Variants in ACOT7 observed in about 807,000 individuals in gnomAD.
The protein encoded by ACOT7 is acyl-CoA thioesterase 7.
Under a neutral mutation model 40.2 loss-of-function variants are expected in ACOT7, and 12 were observed. The ratio of observed to expected loss-of-function variants is 0.30; its 90% CI spans 0.19 to 0.48. The LOEUF (loss-of-function observed/expected upper bound fraction) is 0.48, where lower values mean the gene tolerates loss of function less well. ACOT7 is among the 20% of genes least tolerant of loss of function. The pLI is 0.99. For synonymous variants in ACOT7, 228 were observed against 219.5 expected (o/e 1.04, Z -0.34); for missense variants, 395 against 530.8 (o/e 0.74, Z 2.51).
rs118100710 is a variant in ACOT7 at position 6,345,688 on chromosome 1, G to A, written c.261+4061C>T. On this transcript the variant is annotated intron_variant, in intron 2 of 8. Coordinates refer to ENST00000361521, the MANE Select transcript of ACOT7 (RefSeq NM_007274.4). ...CGGTCTCATCACCATGCCCAGCCCC[G>A]GCCGTCTTCTGGCTGACGGCAGCTC... Among the ~76,000 whole-genome samples the A allele has an allele frequency of 4.1e-4, 63 of 152,290 alleles. No individual in the cohort carries two copies. The East Asian group carries it at 9.8e-3, about 24-fold the overall frequency.
Position 6,275,651 on chromosome 1 carries a change from C to A in ACOT7, c.1014+5451G>T, listed in dbSNP as rs919959951. On this transcript the variant is annotated intron_variant, in intron 8 of 8. Coordinates refer to ENST00000361521, the MANE Select transcript of ACOT7 (RefSeq NM_007274.4). The surrounding 1 kb of genome is among the most constrained non-coding windows in gnomAD (Gnocchi z 5.6). ...AGAATCGTTTGAACCCGGGAGGCAG[C>A]GGTTGCAGTGAGCCGAGATCCAGCC... is the stretch of plus-strand genomic sequence containing the variant. Among the ~76,000 whole-genome samples, 7 of 135,982 alleles carry A rather than the reference C, an allele frequency of 5.1e-5. No homozygotes were observed. Among genetic ancestry groups the A allele is most frequent in the Admixed American group, 8.4e-5 (1 of 11,948 alleles). The allele number at this position is 135,982 out of a possible 152,430, so 89.2% of individuals were successfully genotyped here.
In ACOT7 at chr1:6,323,733, AAAAAATATATATATATATAT is replaced by A. The variant is rs1281192107; in HGVS notation, c.625+3546_625+3565del. On this transcript the variant is annotated intron_variant, in intron 5 of 8. Coordinates refer to ENST00000361521, the MANE Select transcript of ACOT7 (RefSeq NM_007274.4). ...ACTTGTCTCAAAAAAAAAAAAAAAAAAAAAATATATATATATATATATATATATATATATATAGACAAATT... is the reference window on the plus strand; with the variant it reads ...ACTTGTCTCAAAAAAAAAAAAAAAAAATATATATATATATATAGACAAATT... 8.5e-4 allele frequency among the ~76,000 whole-genome samples: 65 copies of A among 76,900 alleles called. 2 individuals carry two copies. The highest frequency in any genetic ancestry group is 1.6e-3 in the African/African-American group (28 of 17,850). The allele number at this position is 76,900 out of a possible 152,430, so 50.4% of individuals were successfully genotyped here. A position where few individuals can be genotyped will look rare whatever the true frequency, so the allele number is the denominator to read the frequency against.
intron 1 of ACOT7, among the ~76,000 whole-genome samples, chr1:6,365,902 A>ATT (rs111522619): frequency 1.4e-5 from 2 of 144,626 alleles, no homozygotes; most frequent in Admixed American, 6.9e-5. Context: ...TTTGGGGTTT[A>ATT]TTTTTTTTTT....
Position 6,306,316 on chromosome 1 carries a change from A to C in ACOT7, c.713-11336T>G. The C allele has an allele frequency of 1.0e-6, 1 of 985,294 alleles. No homozygotes were observed. The highest frequency in any genetic ancestry group is 1.2e-6 in the Non-Finnish European group (1 of 829,904). The allele number at this position is 985,294 out of a possible 1,614,324, so 61.0% of individuals were successfully genotyped here. ...AGGGGTCAGTGCCCCATGATTTGAG[A>C]GGGATGACGTGCTGGCCACCAGGGA... On this transcript the variant is annotated intron_variant, in intron 6 of 8. Transcript: ENST00000361521. The surrounding 1 kb of genome is among the most constrained non-coding windows in gnomAD (Gnocchi z 4.3).
intron 1 of ACOT7, among the ~76,000 whole-genome samples, chr1:6,381,349 C>A (rs1051209257): frequency 2.0e-5 from 3 of 151,200 alleles, no homozygotes; most frequent in Non-Finnish European, 3.0e-5. Flanking sequence ...TTAAAAAAAA[C>A]CTGATTCAAA....
chr1:6,370,018 G>A (rs1642098653), intron 1 of ACOT7, among the ~76,000 whole-genome samples: 1 of 152,172 alleles, frequency 6.6e-6, no homozygotes, highest in Non-Finnish European at 1.5e-5. Context: ...AATGTTGGAG[G>A]CAGGACCTAA....
intron 1 of ACOT7, chr1:6,385,795 C>T (rs986100259): frequency 4.2e-6 from 6 of 1,429,954 alleles, no homozygotes; most frequent in Non-Finnish European, 5.5e-6. Flanking sequence ...GCACCAGGCT[C>T]CTGCTCCTCC....
At chr1:6,328,257 G>A (rs34853430) in intron 4 of ACOT7, among the ~76,000 whole-genome samples, 1,888 of 152,220 alleles carry the variant, frequency 0.012, 16 homozygotes, top group South Asian at 0.023. Context: ...AATCAAACAG[G>A]TTATATATTG....
intron 2 of ACOT7, among the ~76,000 whole-genome samples, chr1:6,343,169 G>A (rs962858638): frequency 6.6e-6 from 1 of 152,188 alleles, no homozygotes; most frequent in Non-Finnish European, 1.5e-5. Flanking sequence ...TTAGGCAAGC[G>A]TCCCAGAGCA....
intron 7 of ACOT7, among the ~76,000 whole-genome samples, chr1:6,292,736 T>G (rs553841872): frequency 1.3e-5 from 2 of 150,686 alleles, no homozygotes; most frequent in East Asian, 3.9e-4. Flanking sequence ...GGCTGGAGTG[T>G]GGTGGTATAA....
At chr1:6,304,808 A>C (rs1446849640) in intron 6 of ACOT7, among the ~76,000 whole-genome samples, 454 of 138,600 alleles carry the variant, frequency 3.3e-3, no homozygotes, top group African/African-American at 0.013. Context: ...CTACACAGAC[A>C]CGGCAACCAT....
chr1:6,268,828 G>C (rs985323787), intron 8 of ACOT7, among the ~76,000 whole-genome samples: 2 of 152,230 alleles, frequency 1.3e-5, no homozygotes, highest in Admixed American at 1.3e-4. Flanking sequence ...CCACCTGGGA[G>C]TGGAATAGGA....
In ACOT7 at chr1:6,383,028, G is replaced by C. The variant is rs572593553; in HGVS notation, c.143+10229C>G. Among the ~76,000 whole-genome samples, 16 of 146,646 alleles carry C rather than the reference G, an allele frequency of 1.1e-4. No homozygotes were observed. In the East Asian group the frequency reaches 3.2e-3, roughly 29 times the overall value. On this transcript the variant is annotated intron_variant, in intron 1 of 8. Coordinates refer to ENST00000361521, the MANE Select transcript of ACOT7 (RefSeq NM_007274.4). ...CAAGTAGCTGGGACTACAGGCGTGG[G>C]CTACCACGCCCAGCTATTTTTCGTA...
At chr1:6,326,824 C>T (rs750271229) in intron 5 of ACOT7, among the ~76,000 whole-genome samples, 45 of 151,288 alleles carry the variant, frequency 3.0e-4, no homozygotes, top group Admixed American at 1.3e-4. Flanking sequence ...ACCAGCTACT[C>T]GGGAGGCTGA....
rs527619683 is a variant in ACOT7, at chr1:6,291,678, C to G, written c.829+3186G>C. 2.0e-5 allele frequency among the ~76,000 whole-genome samples: 3 copies of G among 152,316 alleles called. No homozygotes were observed. In the East Asian group the frequency reaches 5.8e-4, roughly 29 times the overall value. On this transcript the variant is annotated intron_variant, in intron 7 of 8. Coordinates refer to ENST00000361521, the MANE Select transcript of ACOT7 (RefSeq NM_007274.4). ...TAATGTGTGCCCCCACCCGGCAGGG[C>G]AGCAGGGTCTGGCCCTCGAGACCTC...
At chr1:6,315,262 TGG>T (rs1640455328) in intron 6 of ACOT7, among the ~76,000 whole-genome samples, 1 of 152,244 alleles carries the variant, frequency 6.6e-6, no homozygotes, top group Non-Finnish European at 1.5e-5. Context: ...AAGGCTAAAT[TGG>T]CATCCACTTC....
At chr1:6,280,960 C>T in intron 8 of ACOT7, 142 bp downstream of exon 8, 1 of 1,174,768 alleles carries the variant, frequency 8.5e-7, no homozygotes, top group Non-Finnish European at 1.2e-6. Flanking sequence ...CCGGTCACGG[C>T]AGTGGCCAGG....
intron 1 of ACOT7, among the ~76,000 whole-genome samples, chr1:6,350,681 C>A (rs1051097330): frequency 2.6e-5 from 4 of 152,230 alleles, no homozygotes; most frequent in Admixed American, 2.6e-4. Context: ...TGACAGGCAG[C>A]GGGCACAGGT....
intron 6 of ACOT7, among the ~76,000 whole-genome samples, chr1:6,313,554 C>A (rs958174895): frequency 6.6e-6 from 1 of 152,234 alleles, no homozygotes; most frequent in African/African-American, 2.4e-5. Context: ...CAATGTCTAA[C>A]AGACACGTCT....
Sources: allele counts gnomAD v4.1 joint callset (sites outside exome capture counted in the v4.1 genomes callset), GRCh38; gene constraint gnomAD v4.1.1; non-coding constraint Gnocchi (gnomAD v3.1); transcripts MANE v1.5; gene names NCBI Gene and HGNC (gene_info 2026-07-23, HGNC 2026-07-21).